Variants in KAZN observed in about 807,000 individuals in gnomAD.
KAZN encodes the protein kazrin, periplakin interacting protein.
Under a neutral mutation model 87.4 loss-of-function variants are expected in KAZN, and 40 were observed. The observed-to-expected ratio is 0.46, with a 90% CI of 0.36 to 0.60. KAZN has a LOEUF of 0.60. Among genes scored for constraint, KAZN ranks in the 20% least tolerant of loss-of-function variants. KAZN has a pLI of 0.00. For synonymous variants in KAZN, 466 were observed against 458.3 expected, an observed-to-expected ratio of 1.02 and a Z score of -0.22; for missense variants, 898 against 1,073.9, an observed-to-expected ratio of 0.84 and a Z score of 2.29.
chr1:14,332,642 A>G lies in KAZN; in HGVS notation c.249+152050A>G, dbSNP rs1196683844. ...TAGTAGCACCTTAATTGCACCTCCT[A>G]TGGAACAATCAGCATGAATATGAGC... On this transcript the variant is annotated intron_variant, in intron 2 of 16. Coordinates refer to the KAZN transcript ENST00000636203. Among the ~76,000 whole-genome samples the G allele has an allele frequency of 2.0e-5, 3 of 152,268 alleles. No homozygotes were observed. In the East Asian group the frequency reaches 5.8e-4, roughly 29 times the overall value.
chr1:14,941,549 G>A (rs2101641142), intron 1 of KAZN, among the ~76,000 whole-genome samples: 1 of 150,032 alleles, frequency 6.7e-6, no homozygotes, highest in South Asian at 2.1e-4. Context: ...GGGTTGGGGG[G>A]TGGGATGGGG....
intron 1 of KAZN, among the ~76,000 whole-genome samples, chr1:14,654,828 C>T (rs938218497): frequency 1.1e-4 from 16 of 152,190 alleles, no homozygotes; most frequent in African/African-American, 3.9e-4. Context: ...GTCCCCTCCT[C>T]TCCAGGGATG....
intron 2 of KAZN, among the ~76,000 whole-genome samples, chr1:14,433,104 G>A (rs907752946): frequency 2.0e-5 from 3 of 152,064 alleles, no homozygotes; most frequent in Admixed American, 1.3e-4. Flanking sequence ...TGGTATTCAT[G>A]GAGGTATCAT....
At chr1:14,092,875 A>T (rs1054265923) in intron 1 of KAZN, among the ~76,000 whole-genome samples, 3 of 152,216 alleles carry the variant, frequency 2.0e-5, no homozygotes, top group Non-Finnish European at 4.4e-5. Flanking sequence ...GTTAATAAAG[A>T]TGCAATTTAT....
chr1:14,567,224 T>C (rs1674596195), intron 2 of KAZN, among the ~76,000 whole-genome samples: 1 of 152,160 alleles, frequency 6.6e-6, no homozygotes, highest in Admixed American at 6.6e-5. Context: ...GCTCAGGGAA[T>C]AGGGAGGCCC....
chr1:14,630,665 G>C (rs1317488277), intron 1 of KAZN, among the ~76,000 whole-genome samples: 3 of 152,190 alleles, frequency 2.0e-5, no homozygotes, highest in Non-Finnish European at 2.9e-5. Context: ...TAAATGTAAG[G>C]CATGTGCATT....
chr1:14,542,489 C>T (rs1212346234), intron 2 of KAZN, among the ~76,000 whole-genome samples: 1 of 152,112 alleles, frequency 6.6e-6, no homozygotes, highest in Non-Finnish European at 1.5e-5. Context: ...AATATTTATA[C>T]ATATACTTCA....
intron 1 of KAZN, among the ~76,000 whole-genome samples, chr1:14,890,759 G>A (rs747289230): frequency 3.3e-5 from 5 of 150,320 alleles, no homozygotes; most frequent in Admixed American, 6.6e-5. Flanking sequence ...AAACTCCTAC[G>A]CTCAAGTAAT....
chr1:14,836,601 T>A (rs1647289039), intron 1 of KAZN, among the ~76,000 whole-genome samples: 1 of 152,002 alleles, frequency 6.6e-6, no homozygotes, highest in Admixed American at 6.5e-5. Flanking sequence ...GGTCTCTTCC[T>A]CTCTTGAGCA....
intron 2 of KAZN, among the ~76,000 whole-genome samples, chr1:14,213,404 A>T (rs1039900680): frequency 1.3e-5 from 2 of 152,300 alleles, no homozygotes; most frequent in South Asian, 2.1e-4. Context: ...GCAATTTTAC[A>T]TAGGATGGCC....
intron 2 of KAZN, among the ~76,000 whole-genome samples, chr1:14,474,904 T>C (rs1382963164): frequency 6.6e-6 from 1 of 152,092 alleles, no homozygotes; most frequent in Admixed American, 6.5e-5. Flanking sequence ...AAGAATGCAT[T>C]GGTGGATGTG....
At chr1:14,702,326 C>CTGTGTGTGTGTGTGTG (rs3222186) in intron 1 of KAZN, among the ~76,000 whole-genome samples, 4,256 of 133,220 alleles carry the variant, frequency 0.032, 98 homozygotes, top group Middle Eastern at 0.037. Context: ...TTTTGCAAAA[C>CTGTGTGTGTGTGTGTG]TGTGTGTGTG....
At chr1:14,655,002 G>C (rs896101804) in intron 1 of KAZN, among the ~76,000 whole-genome samples, 1 of 152,214 alleles carries the variant, frequency 6.6e-6, no homozygotes, top group African/African-American at 2.4e-5. Flanking sequence ...TCTCAAACTT[G>C]AGTGAGCCCG....
chr1:14,060,499 GA>G (rs1642753421), intron 1 of KAZN, among the ~76,000 whole-genome samples: 1 of 152,066 alleles, frequency 6.6e-6, no homozygotes, highest in Non-Finnish European at 1.5e-5. Flanking sequence ...CATGTTATCA[GA>G]ATGCACTTAT....
intron 2 of KAZN, among the ~76,000 whole-genome samples, chr1:14,287,093 C>T (rs1288615135): frequency 6.6e-6 from 1 of 152,194 alleles, no homozygotes; most frequent in African/African-American, 2.4e-5. Flanking sequence ...AGTGAGATTT[C>T]ATGCTCTCCA....
chr1:14,608,258 C>T lies in KAZN; in HGVS notation c.226+9035C>T, dbSNP rs184653029. Among the ~76,000 whole-genome samples the T allele has an allele frequency of 4.5e-3, 682 of 152,320 alleles. 4 individuals are homozygous for T. The highest frequency in any genetic ancestry group is 8.4e-3 in the Admixed American group (129 of 15,304). ...TCTTCTTCCTCGCTTCTCTCTGTCTCCATCTATTGTGAGAGATTGGGCACA... is the reference window on the plus strand; with the variant it reads ...TCTTCTTCCTCGCTTCTCTCTGTCTTCATCTATTGTGAGAGATTGGGCACA... On this transcript the variant is annotated intron_variant, in intron 1 of 14. Coordinates refer to ENST00000376030, the MANE Select transcript of KAZN (RefSeq NM_201628.3).
At chr1:14,266,022 T>A (rs1651447188) in intron 2 of KAZN, among the ~76,000 whole-genome samples, 1 of 152,210 alleles carries the variant, frequency 6.6e-6, no homozygotes, top group Non-Finnish European at 1.5e-5. Flanking sequence ...CCCTATCTGA[T>A]GTGAACAGCT....
chr1:14,205,171 A>G lies in KAZN; in HGVS notation c.249+24579A>G, dbSNP rs113688115. 3.5e-3 allele frequency among the ~76,000 whole-genome samples: 529 copies of G among 152,308 alleles called. 3 individuals are homozygous for G. The highest frequency in any genetic ancestry group is 0.012 in the African/African-American group (495 of 41,566). Reference sequence around the variant, plus strand: ...CATCACTTACACCTACATGTAATTCACTGGTACTTTAAGTCTCATGACTGT... The same window carrying G: ...CATCACTTACACCTACATGTAATTCGCTGGTACTTTAAGTCTCATGACTGT... On this transcript the variant is annotated intron_variant, in intron 2 of 16. Transcript: ENST00000636203.
chr1:15,080,964 G>T (rs1297733093), intron 8 of KAZN, among the ~76,000 whole-genome samples: 1 of 152,244 alleles, frequency 6.6e-6, no homozygotes, highest in Non-Finnish European at 1.5e-5. Context: ...AAAGAAATCT[G>T]GCCCCAAATG....
Sources: gnomAD v4.1 joint callset for allele counts (sites outside exome capture counted in the v4.1 genomes callset) on GRCh38, gnomAD v4.1.1 for gene constraint, MANE v1.5 for transcripts, NCBI Gene and HGNC (gene_info 2026-07-23, HGNC 2026-07-21) for gene names.